Variants in CAMKMT observed in about 807,000 individuals in gnomAD.
The protein encoded by CAMKMT is calmodulin-lysine N-methyltransferase.
In CAMKMT, 53 loss-of-function variants were observed where a neutral mutation model predicts 48.0. The observed-to-expected ratio is 1.10, with a 90% confidence interval of 0.89 to 1.39. The LOEUF (loss-of-function observed/expected upper bound fraction) is 1.39, where lower values mean the gene tolerates loss of function less well. Ranked by LOEUF, CAMKMT falls within the 40% of genes most tolerant of loss-of-function variation. The pLI is 0.00. For missense variants in CAMKMT, 428 were observed against 402.7 expected (o/e 1.06, Z -0.54); for synonymous variants, 165 against 152.3 (o/e 1.08, Z -0.61).
chr2:44,477,790 G>C (rs1668763035), intron 3 of CAMKMT, among the ~76,000 whole-genome samples: 1 of 152,166 alleles, frequency 6.6e-6, no homozygotes, highest in Non-Finnish European at 1.5e-5. Context: ...AAAGAAGGAA[G>C]GTGATAGGCC....
intron 3 of CAMKMT, among the ~76,000 whole-genome samples, chr2:44,503,075 C>T (rs1420711755): frequency 2.0e-5 from 3 of 151,692 alleles, no homozygotes; most frequent in Non-Finnish European, 4.4e-5. Flanking sequence ...TTTTTCTTAC[C>T]AAAAAATGCA....
At chr2:44,370,087 T>C (rs750381976) in intron 1 of CAMKMT, 1 of 152,188 alleles carries the variant, frequency 6.6e-6, no homozygotes, top group Non-Finnish European at 1.5e-5. Context: ...GTTTAGGGTC[T>C]GTAGTCAGGC....
chr2:44,447,653 C>G (rs1667075411), intron 3 of CAMKMT, among the ~76,000 whole-genome samples: 1 of 152,248 alleles, frequency 6.6e-6, no homozygotes, highest in African/African-American at 2.4e-5. Context: ...AAAAAGGGCA[C>G]AGTAACCCAT....
At chr2:44,754,851 A>AT (rs974764607) in intron 9 of CAMKMT, among the ~76,000 whole-genome samples, 112 of 123,898 alleles carry the variant, frequency 9.0e-4, no homozygotes, top group African/African-American at 3.3e-3. Context: ...CTCATGCATT[A>AT]AAAAAAAAAA....
intron 3 of CAMKMT, among the ~76,000 whole-genome samples, chr2:44,563,332 T>A: frequency 6.6e-6 from 1 of 151,744 alleles, no homozygotes; most frequent in African/African-American, 2.4e-5. Context: ...ATATTTTCAG[T>A]GTGATTAAAT....
intron 3 of CAMKMT, among the ~76,000 whole-genome samples, chr2:44,415,465 A>G (rs1683490301): frequency 6.6e-6 from 1 of 152,154 alleles, no homozygotes; most frequent in Admixed American, 6.5e-5. Flanking sequence ...CGTTATTTCC[A>G]CTGTCTCCAG....
intron 3 of CAMKMT, among the ~76,000 whole-genome samples, chr2:44,681,072 C>T (rs1675994775): frequency 6.6e-6 from 1 of 152,120 alleles, no homozygotes; most frequent in Non-Finnish European, 1.5e-5. Context: ...AACTCTTATT[C>T]TTTTGCCCTC....
At chr2:44,673,680 CAAAT>C (rs1033905851) in intron 3 of CAMKMT, among the ~76,000 whole-genome samples, 1 of 151,074 alleles carries the variant, frequency 6.6e-6, no homozygotes, top group East Asian at 1.9e-4. Context: ...GGGAAAATGA[CAAAT>C]AAAGGAGCCA....
At chr2:44,394,073 G>C (rs552350280) in intron 3 of CAMKMT, among the ~76,000 whole-genome samples, 1 of 152,222 alleles carries the variant, frequency 6.6e-6, no homozygotes, top group East Asian at 1.9e-4. Context: ...ATCATCCTTT[G>C]TTGAGTAGTA....
intron 9 of CAMKMT, among the ~76,000 whole-genome samples, chr2:44,757,468 G>A (rs979958443): frequency 5.3e-5 from 8 of 152,186 alleles, no homozygotes; most frequent in Non-Finnish European, 1.2e-4. Context: ...CTGTAAAATG[G>A]GGAGTGAAAA....
intron 3 of CAMKMT, among the ~76,000 whole-genome samples, chr2:44,505,804 G>C (rs542257176): frequency 5.9e-5 from 9 of 151,976 alleles, no homozygotes; most frequent in South Asian, 2.1e-4. Flanking sequence ...ATGTCAGCTT[G>C]TTCCTGTTAC....
chr2:44,562,915 C>CAGTA (rs527750879), intron 3 of CAMKMT, among the ~76,000 whole-genome samples: 157 of 152,290 alleles, frequency 1.0e-3, no homozygotes, highest in Non-Finnish European at 1.9e-3. Context: ...TCAAGAGGAC[C>CAGTA]TTACTCTCTC....
intron 3 of CAMKMT, among the ~76,000 whole-genome samples, chr2:44,651,271 C>T (rs1444354821): frequency 6.6e-6 from 1 of 152,226 alleles, no homozygotes; most frequent in Non-Finnish European, 1.5e-5. Context: ...TGGGAGCAAT[C>T]TAGTTACCTG....
chr2:44,752,688 CG>C (rs1251439887), intron 8 of CAMKMT, among the ~76,000 whole-genome samples: 1 of 152,176 alleles, frequency 6.6e-6, no homozygotes, highest in Non-Finnish European at 1.5e-5. Flanking sequence ...GATCAAGGCA[CG>C]GGCAGGTTGG....
At chr2:44,472,102 G>A (rs1034147145) in intron 3 of CAMKMT, among the ~76,000 whole-genome samples, 9 of 152,160 alleles carry the variant, frequency 5.9e-5, no homozygotes, top group Admixed American at 2.6e-4. Flanking sequence ...ATGGAGTCTC[G>A]CTCTGTTGCC....
intron 3 of CAMKMT, among the ~76,000 whole-genome samples, chr2:44,515,877 A>G (rs989779767): frequency 1.3e-5 from 2 of 152,196 alleles, no homozygotes; most frequent in Non-Finnish European, 2.9e-5. Context: ...TTTTTAGTCT[A>G]AGACATTGCT....
chr2:44,378,474 T>TAG (rs1679917921), intron 2 of CAMKMT, among the ~76,000 whole-genome samples: 1 of 9,034 alleles, frequency 1.1e-4, no homozygotes, highest in African/African-American at 1.7e-3. Context: ...AGAATTAAGT[T>TAG]TGTTTGTTTG....
intron 3 of CAMKMT, among the ~76,000 whole-genome samples, chr2:44,581,334 C>A (rs1669547994): frequency 6.6e-6 from 1 of 152,072 alleles, no homozygotes; most frequent in South Asian, 2.1e-4. Flanking sequence ...AACACTGAAG[C>A]CGACATTAAG....
At chr2:44,512,424 T>A (rs698776) in intron 3 of CAMKMT, among the ~76,000 whole-genome samples, 96,182 of 152,064 alleles carry the variant, frequency 0.63, 30,995 homozygotes, top group Admixed American at 0.69. Context: ...TATTATTATT[T>A]TCTAGCTTTT....
Sources: allele counts gnomAD v4.1 joint callset (sites outside exome capture counted in the v4.1 genomes callset), GRCh38; gene constraint gnomAD v4.1.1; transcripts MANE v1.5; gene names NCBI Gene and HGNC (gene_info 2026-07-23, HGNC 2026-07-21).